Variants in KCNJ15 observed in about 807,000 individuals in gnomAD.
The protein encoded by KCNJ15 is potassium inwardly rectifying channel subfamily J member 15.
Under a neutral mutation model 23.0 loss-of-function variants are expected in KCNJ15, and 14 were observed. That is an observed-to-expected ratio of 0.61 (90% CI 0.40 to 0.95). KCNJ15 has a LOEUF of 0.95. Among genes scored for constraint, KCNJ15 ranks in the 40% least tolerant of loss-of-function variants. KCNJ15 has a pLI of 0.00. For missense variants in KCNJ15, 388 were observed against 461.8 expected, an observed-to-expected ratio of 0.84 and a Z score of 1.46; for synonymous variants, 185 against 183.2, an observed-to-expected ratio of 1.01 and a Z score of -0.08.
intron 1 of KCNJ15, among the ~76,000 whole-genome samples, chr21:38,284,716 A>C (rs183592872): frequency 1.3e-4 from 20 of 152,296 alleles, no homozygotes; most frequent in African/African-American, 4.6e-4. Context: ...ACAAAGCCAC[A>C]TGCAGGGGCA....
rs1484633613 is a variant in KCNJ15 at position 38,306,669 on chromosome 21, G to A, written c.*6280G>A. 1 of 152,218 alleles carries A rather than the reference G, an allele frequency of 6.6e-6. No individual in the cohort carries two copies. The allele number at this position is 152,218 out of a possible 1,614,324, so 9.4% of individuals were successfully genotyped here. A position where few individuals can be genotyped will look rare whatever the true frequency, so the allele number is the denominator to read the frequency against. ...CCTCCAGATCACAAAAGGAAGCTGT[G>A]TTTGTGTACTGACACGAAGTGTTAC... is the stretch of plus-strand genomic sequence containing the variant. On this transcript the variant is annotated 3_prime_UTR_variant, in exon 3 of 3. Transcript: ENST00000398938.
In KCNJ15 at chr21:38,240,143, C is replaced by T. The variant is rs186243830; in HGVS notation, c.-398-16903C>T. 1.5e-3 allele frequency among the ~76,000 whole-genome samples: 222 copies of T among 152,208 alleles called. 1 individual carries two copies. Among genetic ancestry groups the T allele is most frequent in the Middle Eastern group, 3.4e-3 (1 of 294 alleles). On this transcript the variant is annotated intron_variant, in intron 1 of 4. Transcript: ENST00000547341. ...CTCCAAGTACCAGCACATTTTATTA[C>T]AGTGATTGCTGCTTTCCTGTTATTT...
At chr21:38,296,697 A>T (rs1253358716) in intron 1 of KCNJ15, 1 of 152,330 alleles carries the variant, frequency 6.6e-6, no homozygotes, top group African/African-American at 2.4e-5. Flanking sequence ...GTGTTTTGCT[A>T]CGGAGCTCCC....
chr21:38,290,208 T>G (rs977589452), intron 1 of KCNJ15, among the ~76,000 whole-genome samples: 1 of 152,090 alleles, frequency 6.6e-6, no homozygotes, highest in Non-Finnish European at 1.5e-5. Context: ...GGCAAATGAG[T>G]CCCCTGTTGG....
At chr21:38,239,667 A>G (rs1332770022) in intron 1 of KCNJ15, among the ~76,000 whole-genome samples, 4 of 152,254 alleles carry the variant, frequency 2.6e-5, no homozygotes, top group Non-Finnish European at 5.9e-5. Context: ...CAAACCAAAG[A>G]TACGAGAAAT....
At chr21:38,260,381 C>G (rs1422991355) in intron 1 of KCNJ15, among the ~76,000 whole-genome samples, 1 of 152,052 alleles carries the variant, frequency 6.6e-6, no homozygotes, top group African/African-American at 2.4e-5. Flanking sequence ...AACATCTGTG[C>G]TGTTTTCACA....
chr21:38,259,976 G>A (rs745695671), intron 1 of KCNJ15, among the ~76,000 whole-genome samples: 1 of 152,152 alleles, frequency 6.6e-6, no homozygotes, highest in Non-Finnish European at 1.5e-5. Flanking sequence ...CAAGGAGCCT[G>A]CTCCTACCTT....
At chr21:38,267,890 A>G (rs1476606080) in intron 1 of KCNJ15, among the ~76,000 whole-genome samples, 1 of 152,186 alleles carries the variant, frequency 6.6e-6, no homozygotes, top group African/African-American at 2.4e-5. Context: ...AGTTAAATCT[A>G]TCATGACTTA....
chr21:38,275,627 C>G (rs1035332940), intron 1 of KCNJ15, among the ~76,000 whole-genome samples: 6 of 151,886 alleles, frequency 4.0e-5, no homozygotes, highest in Admixed American at 2.6e-4. Context: ...ACTCACATCC[C>G]TGTGCCCCAC....
Position 38,307,206 on chromosome 21 carries a change from T to C in KCNJ15, c.*6817T>C, listed in dbSNP as rs988008601. The C allele has an allele frequency of 6.6e-6, 1 of 152,230 alleles. No individual in the cohort carries two copies. The highest frequency in any genetic ancestry group is 2.4e-5 in the African/African-American group (1 of 41,470). The allele number at this position is 152,230 out of a possible 1,614,324, so 9.4% of individuals were successfully genotyped here. A position where few individuals can be genotyped will look rare whatever the true frequency, so the allele number is the denominator to read the frequency against. On this transcript the variant is annotated 3_prime_UTR_variant, in exon 3 of 3. Coordinates refer to ENST00000398938, the MANE Select transcript of KCNJ15 (RefSeq NM_170736.3). Reference sequence around the variant, plus strand: ...CAATGACCAGACAGCTTTAAATACCTACTTTTGTATGCTATGAATTCATCC... The same window carrying C: ...CAATGACCAGACAGCTTTAAATACCCACTTTTGTATGCTATGAATTCATCC...
rs1462783737 is a variant in KCNJ15, at chr21:38,299,917, C to A, written c.656C>A (p.Thr219Asn). 2.5e-6 allele frequency: 4 copies of A among 1,614,062 alleles called. No homozygotes were observed. The highest frequency in any genetic ancestry group is 3.4e-6 in the Non-Finnish European group (4 of 1,180,018). Residue 219 changes from threonine to asparagine, a missense_variant, in exon 3 of 3, where the codon ACC (threonine) becomes AAC (asparagine). Thr to Asn is a moderately conservative substitution (Grantham distance 65, BLOSUM62 0). Transcript: ENST00000398938. The surrounding 1 kb of genome is among the most constrained non-coding windows in gnomAD (Gnocchi z 4.5). The stretch of plus-strand genomic sequence containing the variant: ...CAGCTCTCTGGCAAGCTCCTGCAGA[C>A]CCACGTCACCAAGGAGGGGGAGCGG... ...QCQLSGKLLQ[T>N]HVTKEGERIL...
intron 1 of KCNJ15, among the ~76,000 whole-genome samples, chr21:38,241,174 G>C (rs1320040411): frequency 6.6e-6 from 1 of 152,214 alleles, no homozygotes; most frequent in Admixed American, 6.5e-5. Flanking sequence ...GTTCTTTACT[G>C]TGGTTTTCCT....
At chr21:38,262,862 G>C (rs974968799) in intron 1 of KCNJ15, among the ~76,000 whole-genome samples, 1 of 152,018 alleles carries the variant, frequency 6.6e-6, no homozygotes, top group African/African-American at 2.4e-5. Context: ...ATTTTCAGTA[G>C]AGATGGGGTT....
rs1225261268 is a variant in KCNJ15, at chr21:38,302,062, ACACATGCACACACG to A, written c.*1678_*1691del. ...CACATGCACACATGCACACACGCGC[ACACATGCACACACG>A]CACACACTTGCACAGGCCCTGGCTC... On this transcript the variant is annotated 3_prime_UTR_variant, in exon 3 of 3. Coordinates refer to ENST00000398938, the MANE Select transcript of KCNJ15 (RefSeq NM_170736.3). The A allele has an allele frequency of 2.0e-5, 3 of 151,902 alleles. No individual in the cohort carries two copies. The highest frequency in any genetic ancestry group is 7.3e-5 in the African/African-American group (3 of 41,084). The allele number at this position is 151,902 out of a possible 1,614,324, so 9.4% of individuals were successfully genotyped here.
intron 1 of KCNJ15, among the ~76,000 whole-genome samples, chr21:38,258,391 G>A (rs897094672): frequency 3.9e-5 from 6 of 152,190 alleles, no homozygotes; most frequent in Admixed American, 1.3e-4. Flanking sequence ...AGGTAAGTAA[G>A]CACTTACCTC....
chr21:38,299,047 G>A lies in KCNJ15; in HGVS notation c.-18-197G>A, dbSNP rs890487136. ...ATTGCAGAGTCAGCATTTAACCCCG[G>A]TCTGCTTTTCTGCAAAGCCTCTGCT... On this transcript the variant is annotated intron_variant, in intron 2 of 2. Transcript: ENST00000398938. This position sits in a 1 kb window ranked among gnomAD's most constrained non-coding sequence, Gnocchi z 4.5. Among the ~76,000 whole-genome samples the A allele has an allele frequency of 2.0e-5, 3 of 152,170 alleles. No homozygotes were observed. The highest frequency in any genetic ancestry group is 4.4e-5 in the Non-Finnish European group (3 of 68,032).
At chr21:38,255,253 A>C (rs548863048), upstream of KCNJ15, among the ~76,000 whole-genome samples, 1 of 152,302 alleles carries the variant, frequency 6.6e-6, no homozygotes, top group East Asian at 1.9e-4. Flanking sequence ...GCCAGAGGGG[A>C]CCATTCCAGG....
rs1978856759 is a variant in KCNJ15 at position 38,239,622 on chromosome 21, G to A, written c.-398-17424G>A. ...AAATAATATACAGAGAACAAGGTAT[G>A]GCATAGATGCACAAGATCTTTGCAG... On this transcript the variant is annotated intron_variant, in intron 1 of 4. Transcript: ENST00000547341. Among the ~76,000 whole-genome samples the A allele has an allele frequency of 2.0e-5, 3 of 152,292 alleles. No homozygotes were observed. The East Asian group carries it at 5.8e-4, about 29-fold the overall frequency.
Position 38,291,553 on chromosome 21 carries a change from C to A in KCNJ15, c.-116-5373C>A, listed in dbSNP as rs144440309. The stretch of plus-strand genomic sequence containing the variant: ...ATTCCTTTGTTTGAAAGTAATGAGA[C>A]TAAATTTTAGACAATCTAATTTCTT... On this transcript the variant is annotated intron_variant, in intron 1 of 2. Coordinates refer to ENST00000398938, the MANE Select transcript of KCNJ15 (RefSeq NM_170736.3). The A allele has an allele frequency of 3.9e-5, 6 of 152,314 alleles. No individual in the cohort carries two copies. The East Asian group carries it at 1.2e-3, about 29-fold the overall frequency. 9.4% of individuals were successfully genotyped at this position (152,314 alleles called of 1,614,324 possible). A position where few individuals can be genotyped will look rare whatever the true frequency, so the allele number is the denominator to read the frequency against.
Sources: gnomAD v4.1 joint callset for allele counts (sites outside exome capture counted in the v4.1 genomes callset) on GRCh38, gnomAD v4.1.1 for gene constraint, Gnocchi (gnomAD v3.1) non-coding constraint, MANE v1.5 for transcripts, NCBI Gene and HGNC (gene_info 2026-07-23, HGNC 2026-07-21) for gene names.